Variants in COL11A1 observed in about 807,000 individuals in gnomAD.
COL11A1 encodes the protein collagen alpha-1(XI) chain.
In COL11A1, 74 loss-of-function variants were observed where a neutral mutation model predicts 265.2. That is an observed-to-expected ratio of 0.28 (90% confidence interval 0.23 to 0.34). COL11A1 has a LOEUF of 0.34. Ranked by LOEUF, COL11A1 falls within the 10% of genes least tolerant of loss-of-function variation. The probability of loss-of-function intolerance (pLI) is 1.00; values close to 1 mark genes in which losing one functional copy is unlikely to be tolerated. For missense variants in COL11A1, 2,165 were observed against 2,263.6 expected (o/e 0.96, Z 0.88); for synonymous variants, 816 against 727.6 (o/e 1.12, Z -1.96).
intron 65 of COL11A1, among the ~76,000 whole-genome samples, chr1:102,881,111 CT>C (rs1490839441): frequency 6.6e-6 from 1 of 151,972 alleles, no homozygotes; most frequent in African/African-American, 2.4e-5. Context: ...CTGGAAAACA[CT>C]TTAAATTCAA....
At chr1:103,060,677 C>G (rs532832015) in intron 4 of COL11A1, among the ~76,000 whole-genome samples, 1 of 151,986 alleles carries the variant, frequency 6.6e-6, no homozygotes, top group East Asian at 1.9e-4. Context: ...TATTTAAAAA[C>G]CTAGCCAGGT....
At chr1:103,085,073 C>T (rs1672744286) in intron 1 of COL11A1, among the ~76,000 whole-genome samples, 1 of 152,222 alleles carries the variant, frequency 6.6e-6, no homozygotes, top group Non-Finnish European at 1.5e-5. Context: ...AAGGTATAAA[C>T]GTTTGAAAAG....
At chr1:103,079,173 C>A (rs1672209634) in intron 2 of COL11A1, among the ~76,000 whole-genome samples, 1 of 152,062 alleles carries the variant, frequency 6.6e-6, no homozygotes, top group Admixed American at 6.6e-5. Flanking sequence ...ACATAACCAC[C>A]ACTCTTAAAA....
intron 42 of COL11A1, among the ~76,000 whole-genome samples, chr1:102,940,696 A>G (rs1658633853): frequency 6.6e-6 from 1 of 152,180 alleles, no homozygotes. Flanking sequence ...CAATTATTAT[A>G]TATTGACAAA....
intron 1 of COL11A1, among the ~76,000 whole-genome samples, chr1:103,085,831 T>C (rs749118526): frequency 2.0e-4 from 30 of 152,208 alleles, no homozygotes; most frequent in Non-Finnish European, 4.0e-4. Flanking sequence ...ATGCTAATCA[T>C]AATAACTGCC....
chr1:102,896,888 C>T (rs528104161), intron 57 of COL11A1, among the ~76,000 whole-genome samples: 1 of 152,146 alleles, frequency 6.6e-6, no homozygotes, highest in African/African-American at 2.4e-5. Flanking sequence ...TCCTTCCAGG[C>T]TCTGACTCTG....
chr1:103,020,202 C>G (rs1286135433), intron 9 of COL11A1, among the ~76,000 whole-genome samples: 1 of 151,108 alleles, frequency 6.6e-6, no homozygotes, highest in Admixed American at 6.6e-5. Context: ...TACAGTCCCA[C>G]CAACAGTGTA....
chr1:102,950,591 C>T (rs967933030), intron 41 of COL11A1, among the ~76,000 whole-genome samples: 2 of 151,968 alleles, frequency 1.3e-5, no homozygotes, highest in Non-Finnish European at 2.9e-5. Context: ...ATTATTTTAT[C>T]CTAAAATATT....
intron 35 of COL11A1, among the ~76,000 whole-genome samples, chr1:102,976,994 A>ATG (rs1036254813): frequency 5.5e-4 from 84 of 152,282 alleles, no homozygotes; most frequent in African/African-American, 1.7e-3. Flanking sequence ...AAGTTTATGT[A>ATG]TACATATATA....
Position 102,934,936 on chromosome 1 carries a change from A to T in COL11A1, c.3492+124T>A, listed in dbSNP as rs11164642. On this transcript the variant is annotated intron_variant, in intron 45 of 66. Coordinates refer to ENST00000370096, the MANE Select transcript of COL11A1 (RefSeq NM_001854.4). Reference sequence around the variant, plus strand: ...AGCTATATTTGATAATTTAAATTTGATTTAATGTCAAACATACAAACAAAA... The same window carrying T: ...AGCTATATTTGATAATTTAAATTTGTTTTAATGTCAAACATACAAACAAAA... The T allele has an allele frequency of 0.86, 745,895 of 867,150 alleles. 327,184 individuals carry two copies. Among genetic ancestry groups the T allele is most frequent in the East Asian group, 1 (37,521 of 37,584 alleles). The allele number at this position is 867,150 out of a possible 1,614,324, so 53.7% of individuals were successfully genotyped here. A position where few individuals can be genotyped will look rare whatever the true frequency, so the allele number is the denominator to read the frequency against.
intron 41 of COL11A1, among the ~76,000 whole-genome samples, chr1:102,947,404 G>T (rs10047217): frequency 0.49 from 74,921 of 151,772 alleles, 20,726 homozygotes; most frequent in East Asian, 0.86. Flanking sequence ...CTGAACCAAG[G>T]TTTCAAAATA....
intron 30 of COL11A1, among the ~76,000 whole-genome samples, chr1:102,986,742 G>C (rs540142119): frequency 1.8e-4 from 28 of 152,146 alleles, no homozygotes; most frequent in African/African-American, 6.3e-4. Context: ...ATAACATGAA[G>C]TCAAATTTCA....
intron 4 of COL11A1, among the ~76,000 whole-genome samples, chr1:103,065,874 G>T (rs1003198735): frequency 1.3e-5 from 2 of 151,390 alleles, no homozygotes; most frequent in African/African-American, 4.9e-5. Context: ...CTACTGAAAA[G>T]CAAACACGGA....
chr1:103,009,688 G>A (rs1417931817), intron 14 of COL11A1, among the ~76,000 whole-genome samples: 1 of 152,112 alleles, frequency 6.6e-6, no homozygotes, highest in Admixed American at 6.6e-5. Context: ...ATCGTATAAA[G>A]TATGACAGAG....
chr1:103,053,365 T>C (rs894104096), intron 4 of COL11A1, among the ~76,000 whole-genome samples: 2 of 152,188 alleles, frequency 1.3e-5, no homozygotes, highest in African/African-American at 4.8e-5. Context: ...CACAATACAA[T>C]GGTGCTGATC....
chr1:103,013,109 A>G (rs917285320), intron 13 of COL11A1, among the ~76,000 whole-genome samples: 1 of 152,148 alleles, frequency 6.6e-6, no homozygotes, highest in Non-Finnish European at 1.5e-5. Context: ...AAAATTTGAT[A>G]GATGTTAAAT....
In COL11A1 at chr1:103,025,542, C is replaced by A; in HGVS notation, c.969G>T (p.Arg323Ser). The A allele has an allele frequency of 6.2e-7, 1 of 1,613,118 alleles. No homozygotes were observed. The highest frequency in any genetic ancestry group is 8.5e-7 in the Non-Finnish European group (1 of 1,179,338). The change falls in exon 7 of 67, where the codon AGG becomes AGT. Residue 323 changes from arginine (R) to serine (S), a missense_variant. By Grantham distance (110) the Arg-to-Ser change is moderately radical. Transcript: ENST00000370096. The stretch of plus-strand genomic sequence containing the variant: ...TTACCTCATTTGTCCCAGAAACATG[C>A]CTAGGAGCTTCTGTCTGGTAACTTT... ...TMESYQTEAP[R>S]HVSGTNEPNP...
At chr1:103,078,573 T>C (rs1672157481) in intron 3 of COL11A1, 85 bp downstream of exon 3, 1 of 1,314,476 alleles carries the variant, frequency 7.6e-7, no homozygotes, top group African/African-American at 1.5e-5. Flanking sequence ...AAAAACCTTA[T>C]CACACTTCAT....
At chr1:103,043,866 AT>A (rs1409650463) in intron 4 of COL11A1, among the ~76,000 whole-genome samples, 1 of 152,068 alleles carries the variant, frequency 6.6e-6, no homozygotes, top group Non-Finnish European at 1.5e-5. Flanking sequence ...ATAAAAATAC[AT>A]TTAGGTAAGT....
Sources: gnomAD v4.1 joint callset for allele counts (sites outside exome capture counted in the v4.1 genomes callset) on GRCh38, gnomAD v4.1.1 for gene constraint, MANE v1.5 for transcripts, NCBI Gene and HGNC (gene_info 2026-07-23, HGNC 2026-07-21) for gene names.